Variants in ANKS1B observed in about 807,000 individuals in gnomAD.
ANKS1B encodes the protein ankyrin repeat and sterile alpha motif domain containing 1B.
A neutral mutation model predicts 148.3 loss-of-function variants in ANKS1B; 36 were observed. That is an observed-to-expected ratio of 0.24 (90% confidence interval 0.19 to 0.32). The LOEUF (loss-of-function observed/expected upper bound fraction) is 0.32, where lower values mean the gene tolerates loss of function less well. ANKS1B is among the 10% of genes least tolerant of loss of function. The pLI, the probability that ANKS1B is intolerant of heterozygous loss-of-function variation, is 1.00. For synonymous variants in ANKS1B, 542 were observed against 560.8 expected (o/e 0.97, Z 0.47); for missense variants, 1,157 against 1,542.6 (o/e 0.75, Z 4.19).
At chr12:99,559,158 G>C (rs1374542224) in intron 9 of ANKS1B, among the ~76,000 whole-genome samples, 1 of 152,090 alleles carries the variant, frequency 6.6e-6, no homozygotes, top group Non-Finnish European at 1.5e-5. Flanking sequence ...TCTGCTTAGA[G>C]TGTACCAGTC....
At chr12:99,385,752 T>C (rs928650668) in intron 12 of ANKS1B, among the ~76,000 whole-genome samples, 1 of 152,182 alleles carries the variant, frequency 6.6e-6, no homozygotes, top group Non-Finnish European at 1.5e-5. Context: ...AACATATCAA[T>C]GGACTAGAAA....
intron 17 of ANKS1B, among the ~76,000 whole-genome samples, chr12:98,845,965 C>CATAT (rs149926433): frequency 0.021 from 2,085 of 98,718 alleles, 44 homozygotes; most frequent in African/African-American, 0.058. Context: ...TAGAATTCTT[C>CATAT]ATATATATAT....
intron 1 of ANKS1B, among the ~76,000 whole-genome samples, chr12:99,972,692 G>T (rs1404232079): frequency 6.6e-6 from 1 of 152,224 alleles, no homozygotes; most frequent in Non-Finnish European, 1.5e-5. Context: ...AAGTTATCCA[G>T]AAGATCTAGC....
At chr12:99,801,825 T>A (rs1197283361) in intron 4 of ANKS1B, among the ~76,000 whole-genome samples, 1 of 152,072 alleles carries the variant, frequency 6.6e-6, no homozygotes, top group African/African-American at 2.4e-5. Flanking sequence ...AGAGAGGAAT[T>A]AGCCTTAGAT....
intron 15 of ANKS1B, among the ~76,000 whole-genome samples, chr12:99,092,719 C>T (rs2054503129): frequency 6.6e-6 from 1 of 152,156 alleles, no homozygotes; most frequent in Admixed American, 6.5e-5. Context: ...AAAGGAAGGG[C>T]TCCTCTGCAG....
chr12:99,877,233 C>A (rs976342815), intron 1 of ANKS1B, among the ~76,000 whole-genome samples: 7 of 152,166 alleles, frequency 4.6e-5, no homozygotes, highest in African/African-American at 1.7e-4. Context: ...ATACCTTTTC[C>A]TTTTTCTAAT....
chr12:99,396,344 A>G (rs949492347), intron 12 of ANKS1B, among the ~76,000 whole-genome samples: 1 of 152,176 alleles, frequency 6.6e-6, no homozygotes, highest in African/African-American at 2.4e-5. Flanking sequence ...AATATGTGTA[A>G]GCTAATAAAA....
intron 16 of ANKS1B, among the ~76,000 whole-genome samples, chr12:99,060,243 A>G (rs1325035266): frequency 1.3e-5 from 2 of 151,952 alleles, no homozygotes; most frequent in African/African-American, 4.8e-5. Context: ...TTCCACCCAA[A>G]TGACTTTCCT....
chr12:99,469,453 T>G (rs574281659), intron 10 of ANKS1B, among the ~76,000 whole-genome samples: 1 of 151,256 alleles, frequency 6.6e-6, no homozygotes, highest in Non-Finnish European at 1.5e-5. Flanking sequence ...TAATAAAATT[T>G]AAAAAAAAAT....
chr12:99,451,786 C>CGTGTGTGTGTGTGT (rs147892225), intron 10 of ANKS1B, among the ~76,000 whole-genome samples: 1,727 of 150,520 alleles, frequency 0.011, 48 homozygotes, highest in African/African-American at 0.039. Flanking sequence ...TGTACAGATA[C>CGTGTGTGTGTGTGT]GTGTGTGTGT....
At chr12:99,035,610 G>A (rs1190808703) in intron 17 of ANKS1B, among the ~76,000 whole-genome samples, 1 of 152,060 alleles carries the variant, frequency 6.6e-6, no homozygotes. Flanking sequence ...TTAGTAATCT[G>A]CTTGAATGTG....
rs1602982747 is a variant in ANKS1B at position 99,327,101 on chromosome 12, A to G, written c.1756+72530T>C. On this transcript the variant is annotated intron_variant, in intron 12 of 26. Transcript: ENST00000683438. Reference sequence around the variant, plus strand: ...ATTAATGTTATATTATAATATATCAATATATATTAATATAACTAATATAAT... The same window carrying G: ...ATTAATGTTATATTATAATATATCAGTATATATTAATATAACTAATATAAT... Among the ~76,000 whole-genome samples the G allele has an allele frequency of 3.9e-5, 5 of 128,316 alleles. No homozygotes were observed. The East Asian group carries it at 6.3e-4, about 16-fold the overall frequency. 84.2% of individuals were successfully genotyped at this position (128,316 alleles called of 152,430 possible). A position where few individuals can be genotyped will look rare whatever the true frequency, so the allele number is the denominator to read the frequency against.
intron 1 of ANKS1B, among the ~76,000 whole-genome samples, chr12:99,892,508 C>A (rs1037146538): frequency 6.6e-6 from 1 of 152,080 alleles, no homozygotes; most frequent in Non-Finnish European, 1.5e-5. Context: ...ACTTGAGAAA[C>A]CTGAATCCCC....
At chr12:99,632,746 T>TATATATAC (rs1231472854) in intron 9 of ANKS1B, among the ~76,000 whole-genome samples, 3 of 107,586 alleles carry the variant, frequency 2.8e-5, no homozygotes, top group Non-Finnish European at 5.8e-5. Flanking sequence ...TATATATATA[T>TATATATAC]ATATATATAT....
chr12:99,730,758 T>C (rs2059058485), intron 8 of ANKS1B, among the ~76,000 whole-genome samples: 1 of 152,142 alleles, frequency 6.6e-6, no homozygotes, highest in Non-Finnish European at 1.5e-5. Flanking sequence ...GGAAAGGGGA[T>C]AGGAGGGAAA....
chr12:99,238,993 A>G (rs1195478976), intron 14 of ANKS1B, among the ~76,000 whole-genome samples: 1 of 152,140 alleles, frequency 6.6e-6, no homozygotes, highest in East Asian at 1.9e-4. Flanking sequence ...AATTCCAAAA[A>G]CCAGAATGCC....
chr12:99,943,591 T>G (rs530668028), intron 1 of ANKS1B, among the ~76,000 whole-genome samples: 1 of 152,118 alleles, frequency 6.6e-6, no homozygotes, highest in African/African-American at 2.4e-5. Context: ...AGAAAACTTG[T>G]GTAAGAGAAC....
intron 17 of ANKS1B, among the ~76,000 whole-genome samples, chr12:99,001,285 C>A (rs571926871): frequency 6.6e-6 from 1 of 152,066 alleles, no homozygotes; most frequent in Non-Finnish European, 1.5e-5. Context: ...GACCACCATG[C>A]TCAGCTAATT....
chr12:98,874,013 T>C (rs1433862781), intron 17 of ANKS1B, among the ~76,000 whole-genome samples: 5 of 152,158 alleles, frequency 3.3e-5, no homozygotes, highest in Admixed American at 6.5e-5. Context: ...GGAAACACTG[T>C]GAAAAGATGG....
Sources: gnomAD v4.1 joint callset for allele counts (sites outside exome capture counted in the v4.1 genomes callset) on GRCh38, gnomAD v4.1.1 for gene constraint, MANE v1.5 for transcripts, NCBI Gene and HGNC (gene_info 2026-07-23, HGNC 2026-07-21) for gene names.